Variants in GALNT17 observed in about 807,000 individuals in gnomAD.
GALNT17 encodes the protein UDP-GalNAc:polypeptide N-acetylgalactosaminyltransferase-like 3.
GALNT17 carries 29 observed loss-of-function variants against 63.7 expected under a neutral mutation model. The observed-to-expected ratio is 0.46, with a 90% CI of 0.34 to 0.62. The LOEUF (loss-of-function observed/expected upper bound fraction) is 0.62, where lower values mean the gene tolerates loss of function less well. GALNT17 is among the 20% of genes least tolerant of loss of function. The pLI is 0.01. For missense variants in GALNT17, 603 were observed against 799.6 expected, an observed-to-expected ratio of 0.75 and a Z score of 2.97; for synonymous variants, 305 against 318.3, an observed-to-expected ratio of 0.96 and a Z score of 0.45.
chr7:71,567,696 C>T (rs545493446), intron 5 of GALNT17, among the ~76,000 whole-genome samples: 4 of 152,302 alleles, frequency 2.6e-5, no homozygotes, highest in African/African-American at 9.6e-5. Context: ...AACTCCTGAC[C>T]TTGTGATCCG....
At chr7:71,423,186 T>C (rs1307936302) in intron 5 of GALNT17, among the ~76,000 whole-genome samples, 4 of 152,214 alleles carry the variant, frequency 2.6e-5, no homozygotes, top group Non-Finnish European at 5.9e-5. Context: ...CAGAAATACC[T>C]GTCCTCATTT....
At chr7:71,379,245 A>G (rs1297137612) in intron 2 of GALNT17, among the ~76,000 whole-genome samples, 1 of 152,192 alleles carries the variant, frequency 6.6e-6, no homozygotes, top group Non-Finnish European at 1.5e-5. Context: ...CAGCATTCTC[A>G]GTTCTAGGAA....
At chr7:71,702,494 T>C (rs1234492071) in intron 9 of GALNT17, among the ~76,000 whole-genome samples, 1 of 152,106 alleles carries the variant, frequency 6.6e-6, no homozygotes. Context: ...AAAGCCATTA[T>C]TGGATTGCAA....
At chr7:71,681,585 G>A (rs1791263002) in intron 9 of GALNT17, among the ~76,000 whole-genome samples, 1 of 152,196 alleles carries the variant, frequency 6.6e-6, no homozygotes, top group African/African-American at 2.4e-5. Context: ...GCCTAGGGCA[G>A]TCCCACTCCT....
At chr7:71,255,680 A>C (rs959384824) in intron 1 of GALNT17, among the ~76,000 whole-genome samples, 1 of 152,190 alleles carries the variant, frequency 6.6e-6, no homozygotes, top group African/African-American at 2.4e-5. Context: ...TGATGTGTTC[A>C]TAGGGAAAGT....
intron 6 of GALNT17, among the ~76,000 whole-genome samples, chr7:71,610,271 G>A (rs1438707330): frequency 6.6e-6 from 1 of 152,036 alleles, no homozygotes. Context: ...TAGGAGGACC[G>A]CTTGAGGTCA....
At position 71,653,445 on chromosome 7, in the gene GALNT17, G is replaced by T. The variant is rs368407760; in HGVS notation, c.1081-11966G>T. On this transcript the variant is annotated intron_variant, in intron 6 of 10. Transcript: ENST00000333538. Reference sequence around the variant, plus strand: ...TTTTTTTAAGACTTTCTCTCTTGTTGCCCAGGCTGCAGTGCAATGGTGTAA... The same window carrying T: ...TTTTTTTAAGACTTTCTCTCTTGTTTCCCAGGCTGCAGTGCAATGGTGTAA... 1.4e-4 allele frequency among the ~76,000 whole-genome samples: 21 copies of T among 150,198 alleles called. No homozygotes were observed. The East Asian group carries it at 4.0e-3, about 28-fold the overall frequency.
chr7:71,186,187 A>G (rs1484839468), intron 1 of GALNT17, among the ~76,000 whole-genome samples: 1 of 152,198 alleles, frequency 6.6e-6, no homozygotes, highest in African/African-American at 2.4e-5. Context: ...CCTTAAATTA[A>G]TATTTTCTGG....
intron 5 of GALNT17, among the ~76,000 whole-genome samples, chr7:71,484,797 AT>A (rs386410414): frequency 1.5e-4 from 16 of 107,352 alleles, no homozygotes; most frequent in African/African-American, 5.0e-4. Flanking sequence ...CAGCATCAGG[AT>A]TTTTTTTTTT....
intron 5 of GALNT17, among the ~76,000 whole-genome samples, chr7:71,499,538 A>G (rs1258927927): frequency 6.6e-6 from 1 of 152,214 alleles, no homozygotes; most frequent in Non-Finnish European, 1.5e-5. Flanking sequence ...GAAATACCAC[A>G]TATAGCAGCA....
At chr7:71,669,512 A>G (rs907430032) in intron 7 of GALNT17, among the ~76,000 whole-genome samples, 1 of 151,994 alleles carries the variant, frequency 6.6e-6, no homozygotes, top group African/African-American at 2.4e-5. Flanking sequence ...CTGTGACTCA[A>G]AAAACAAAAA....
intron 1 of GALNT17, among the ~76,000 whole-genome samples, chr7:71,255,139 C>T (rs2115580709): frequency 6.6e-6 from 1 of 152,304 alleles, no homozygotes; most frequent in South Asian, 2.1e-4. Flanking sequence ...AGGAATGGAG[C>T]TGATAGGGTT....
At chr7:71,544,989 A>G (rs1428896168) in intron 5 of GALNT17, among the ~76,000 whole-genome samples, 2 of 152,174 alleles carry the variant, frequency 1.3e-5, no homozygotes, top group Admixed American at 6.6e-5. Flanking sequence ...TAGGGCATTT[A>G]GTAATTCTCA....
At chr7:71,153,961 G>A (rs1202054976) in intron 1 of GALNT17, among the ~76,000 whole-genome samples, 1 of 151,810 alleles carries the variant, frequency 6.6e-6, no homozygotes, top group Non-Finnish European at 1.5e-5. Flanking sequence ...AAATAAAAAT[G>A]TATCTGCAAA....
At chr7:71,193,625 C>T (rs571165150) in intron 1 of GALNT17, among the ~76,000 whole-genome samples, 14 of 151,936 alleles carry the variant, frequency 9.2e-5, no homozygotes, top group African/African-American at 2.4e-4. Context: ...TCACAACACC[C>T]GGCCAACTCC....
chr7:71,393,756 C>T lies in GALNT17; in HGVS notation c.589+5355C>T, dbSNP rs191900060. On this transcript the variant is annotated intron_variant, in intron 3 of 10. Coordinates refer to ENST00000333538, the MANE Select transcript of GALNT17 (RefSeq NM_022479.3). Reference sequence around the variant, plus strand: ...TTTTTATTTTAAGTCATTTGTTTCACTCAGTTTGAATATTGACATTGGCCT... The same window carrying T: ...TTTTTATTTTAAGTCATTTGTTTCATTCAGTTTGAATATTGACATTGGCCT... Among the ~76,000 whole-genome samples the T allele has an allele frequency of 9.2e-5, 14 of 152,260 alleles. No individual in the cohort carries two copies. The East Asian group carries it at 2.5e-3, about 27-fold the overall frequency.
At chr7:71,525,727 A>G (rs944052399) in intron 5 of GALNT17, among the ~76,000 whole-genome samples, 13 of 116,126 alleles carry the variant, frequency 1.1e-4, no homozygotes, top group African/African-American at 3.2e-4. Context: ...AGTCTTGGGT[A>G]TGTCTTTTCT....
At chr7:71,198,890 G>A (rs1272428592) in intron 1 of GALNT17, among the ~76,000 whole-genome samples, 1 of 152,130 alleles carries the variant, frequency 6.6e-6, no homozygotes, top group East Asian at 1.9e-4. Context: ...ACTTTAGTAG[G>A]TTTCAGAATC....
intron 6 of GALNT17, among the ~76,000 whole-genome samples, chr7:71,598,042 T>C (rs993866091): frequency 6.6e-6 from 1 of 152,214 alleles, no homozygotes; most frequent in East Asian, 1.9e-4. Flanking sequence ...CCTCCCAGGT[T>C]CAAATAATTC....
Sources: gnomAD v4.1 joint callset for allele counts (sites outside exome capture counted in the v4.1 genomes callset) on GRCh38, gnomAD v4.1.1 for gene constraint, MANE v1.5 for transcripts, NCBI Gene and HGNC (gene_info 2026-07-23, HGNC 2026-07-21) for gene names.